The following DNAH1 variants were observed in gnomAD, a reference collection of about 807,000 sequenced individuals.
DNAH1 encodes the protein dynein axonemal heavy chain 1.
In DNAH1, 327 loss-of-function variants were observed where a neutral mutation model predicts 484.3. That is an observed-to-expected ratio of 0.68 (90% confidence interval 0.62 to 0.74). The LOEUF is 0.74. Among genes scored for constraint, DNAH1 ranks in the 30% least tolerant of loss-of-function variants. The probability of loss-of-function intolerance (pLI) is 0.00; values close to 1 mark genes in which losing one functional copy is unlikely to be tolerated. For synonymous variants in DNAH1, 2,192 were observed against 2,191.9 expected (o/e 1.00, Z 0.00); for missense variants, 5,052 against 5,546.8 (o/e 0.91, Z 2.83).
intron 16 of DNAH1, 138 bp from the exon 17 acceptor site, chr3:52,351,824 C>G: frequency 9.3e-7 from 1 of 1,074,430 alleles, no homozygotes. Flanking sequence ...CCCAGGTAGC[C>G]TCCACAGCTG....
intron 3 of DNAH1, among the ~76,000 whole-genome samples, chr3:52,324,323 C>T (rs926866330): frequency 6.6e-6 from 1 of 152,182 alleles, no homozygotes; most frequent in Non-Finnish European, 1.5e-5. Flanking sequence ...GGGGGACTCT[C>T]CTCTCAGGCT....
chr3:52,332,082 A>G, intron 7 of DNAH1, 60 bp from the exon 8 acceptor site: 1 of 1,521,096 alleles, frequency 6.6e-7, no homozygotes, highest in Non-Finnish European at 8.9e-7. Flanking sequence ...GCCGGAACCT[A>G]GTGTTTCAGC....
rs1704350768 is a variant in DNAH1, at chr3:52,391,013, A to G, written c.9700A>G (p.Ile3234Val). The change falls in exon 61 of 78, where the codon ATT (isoleucine) becomes GTT (valine). Residue 3234 changes from isoleucine (I) to valine (V), a missense_variant. Transcript: ENST00000420323. ...NQFSQRWTHF[I>V]DPQSQANKWI... ...GTTTTCCCAGCGCTGGACCCACTTC[A>G]TTGACCCTCAGAGCCAGGCCAACAA... 6 of 1,555,858 alleles carry G rather than the reference A, an allele frequency of 3.9e-6. No homozygotes were observed. Among genetic ancestry groups the G allele is most frequent in the Non-Finnish European group, 5.2e-6 (6 of 1,149,428 alleles).
chr3:52,347,697 AAGG>A, intron 11 of DNAH1, 124 bp from the exon 12 acceptor site: 3 of 1,175,844 alleles, frequency 2.6e-6, no homozygotes, highest in Non-Finnish European at 3.5e-6. Context: ...GTGTGGGACG[AAGG>A]AGAAGGCAAG....
chr3:52,326,454 T>C (rs1408464779), intron 4 of DNAH1, 140 bp downstream of exon 4: 1 of 1,153,894 alleles, frequency 8.7e-7, no homozygotes, highest in Non-Finnish European at 1.2e-6. Context: ...CTTCTAGCCC[T>C]TTGGTGTCTT....
At chr3:52,366,569 C>T in intron 35 of DNAH1, 21 bp downstream of exon 35, 1 of 1,576,448 alleles carries the variant, frequency 6.3e-7, no homozygotes, top group Non-Finnish European at 8.6e-7. Flanking sequence ...CCAAGCTTGG[C>T]AGCCAGTGTC....
intron 39 of DNAH1, 92 bp from the exon 40 acceptor site, chr3:52,370,385 G>T: frequency 6.3e-7 from 1 of 1,579,296 alleles, no homozygotes. Flanking sequence ...ACAAAGCTGT[G>T]TAGCAGAGGT....
chr3:52,344,672 G>T (rs199858214), intron 9 of DNAH1, 25 bp downstream of exon 9: 5 of 1,603,876 alleles, frequency 3.1e-6, no homozygotes. Context: ...ACCAAGATGG[G>T]CTCCATGGCC....
intron 75 of DNAH1, among the ~76,000 whole-genome samples, chr3:52,398,563 C>T (rs1443032720): frequency 6.6e-6 from 1 of 152,220 alleles, no homozygotes; most frequent in East Asian, 1.9e-4. Context: ...GCTGGGATTA[C>T]AGGCATGAGC....
chr3:52,349,486 C>A, intron 14 of DNAH1, 66 bp downstream of exon 14: 2 of 1,453,294 alleles, frequency 1.4e-6, no homozygotes, highest in South Asian at 1.2e-5. Context: ...CACACGGACC[C>A]TCACATACAT....
At chr3:52,363,729 A>G (rs1034494540) in intron 32 of DNAH1, among the ~76,000 whole-genome samples, 30 of 152,198 alleles carry the variant, frequency 2.0e-4, no homozygotes, top group African/African-American at 6.3e-4. Flanking sequence ...TCATGATTTC[A>G]GAAAAAAATC....
rs370573837 is a variant in DNAH1, at chr3:52,370,510, C to T, written c.6292C>T (p.Arg2098Cys). 5.0e-6 allele frequency: 8 copies of T among 1,613,960 alleles called. No individual in the cohort carries two copies. The highest frequency in any genetic ancestry group is 4.5e-5 in the East Asian group (2 of 44,884). ...LKKIPSEKLSRIVELIEPWFI... is the reference protein window; with the variant it reads ...LKKIPSEKLSCIVELIEPWFI... ...GAAAATACCCTCTGAAAAGCTGAGT[C>T]GCATCGTAGAGTTGATCGAGCCCTG... The change falls in exon 40 of 78, where the codon CGC (arginine) becomes TGC (cysteine). Residue 2098 changes from arginine (R) to cysteine (C), a missense_variant. Arg to Cys is a radical substitution (Grantham distance 180). Around this residue, in one of 4 missense-constraint regions of DNAH1, gnomAD observed 2,929 missense variants for 3,409.4 expected, o/e 0.86. Coordinates refer to ENST00000420323, the MANE Select transcript of DNAH1 (RefSeq NM_015512.5).
chr3:52,312,861 C>G (rs1700837124), upstream of DNAH1, among the ~76,000 whole-genome samples: 1 of 151,956 alleles, frequency 6.6e-6, no homozygotes, highest in South Asian at 2.1e-4. Context: ...ACTGTGTTAG[C>G]CAGGATGGTC....
intron 34 of DNAH1, among the ~76,000 whole-genome samples, chr3:52,365,279 C>T (rs541765281): frequency 9.2e-5 from 14 of 152,302 alleles, no homozygotes; most frequent in Admixed American, 7.2e-4. Flanking sequence ...CTGAGAGCCC[C>T]GAGCTCCTCT....
chr3:52,354,878 C>T lies in DNAH1; in HGVS notation c.3516C>T (p.Ile1172=). The change falls in exon 21 of 78, where the codon ATC becomes ATT. Residue 1172 remains isoleucine, a synonymous_variant. Coordinates refer to ENST00000420323, the MANE Select transcript of DNAH1 (RefSeq NM_015512.5). ...LDKMEKEWST[I]LFNVLPYKAT... is the part of the protein sequence containing the mutation. ...AGATGGAGAAGGAGTGGTCGACCAT[C>T]CTGTTCAATGTACTGCCCTACAAGG... The T allele has an allele frequency of 6.2e-7, 1 of 1,613,944 alleles. No individual in the cohort carries two copies. Among genetic ancestry groups the T allele is most frequent in the Middle Eastern group, 1.7e-4 (1 of 6,050 alleles).
At chr3:52,326,674 C>T in intron 4 of DNAH1, 61 bp from the exon 5 acceptor site, 7 of 1,538,564 alleles carry the variant, frequency 4.5e-6, no homozygotes, top group South Asian at 1.3e-5. Context: ...CTTGTGGACA[C>T]CCATGGAGCC....
Position 52,381,507 on chromosome 3 carries a change from G to A in DNAH1, c.7609-133G>A. On this transcript the variant is annotated intron_variant, in intron 48 of 77. Transcript: ENST00000420323. This position sits in a 1 kb window ranked among gnomAD's most constrained non-coding sequence, Gnocchi z 4.1. ...GAGCCTGCAGGGGAAACATGCAGCT[G>A]GCCGGGTCACAGGTGGTCAAGGCAC... 2.8e-6 allele frequency: 2 copies of A among 720,638 alleles called. No homozygotes were observed. The highest frequency in any genetic ancestry group is 4.1e-5 in the South Asian group (2 of 48,448). 44.6% of individuals were successfully genotyped at this position (720,638 alleles called of 1,614,324 possible). A position where few individuals can be genotyped will look rare whatever the true frequency, so the allele number is the denominator to read the frequency against.
chr3:52,398,311 C>G lies in DNAH1; in HGVS notation c.12089+149C>G, dbSNP rs143787705. 3.8e-4 allele frequency: 412 copies of G among 1,093,842 alleles called. 5 individuals carry two copies. In the East Asian group the frequency reaches 0.011, roughly 29 times the overall value. 67.8% of individuals were successfully genotyped at this position (1,093,842 alleles called of 1,614,324 possible). ...TTTGTTGTTGTTGTTGACACGGAGTCTCTCTCTGTTGCCATGCTGGAGTGC... is the reference window on the plus strand; with the variant it reads ...TTTGTTGTTGTTGTTGACACGGAGTGTCTCTCTGTTGCCATGCTGGAGTGC... On this transcript the variant is annotated intron_variant, in intron 75 of 77. Transcript: ENST00000420323.
At position 52,326,759 on chromosome 3, in the gene DNAH1, G is replaced by A. The variant is rs1300166141; in HGVS notation, c.606G>A (p.Leu202=). The A allele has an allele frequency of 6.2e-7, 1 of 1,613,626 alleles. No individual in the cohort carries two copies. The highest frequency in any genetic ancestry group is 1.1e-5 in the South Asian group (1 of 91,056). Residue 202 remains leucine, a synonymous_variant, in exon 5 of 78, where the codon CTG becomes CTA. Transcript: ENST00000420323. ...GGAGGAAACAGCAGTACCTGAGCCT[G>A]GACATTGAGCAGTTGCTGTTCAGCC... is the stretch of plus-strand genomic sequence containing the variant. ...IERRKQQYLS[L]DIEQLLFSQG...
Sources: gnomAD v4.1 joint callset for allele counts (sites outside exome capture counted in the v4.1 genomes callset) on GRCh38, gnomAD v4.1.1 for gene constraint, gnomAD v4.1.1 regional missense constraint, Gnocchi (gnomAD v3.1) non-coding constraint, MANE v1.5 for transcripts, NCBI Gene and HGNC (gene_info 2026-07-23, HGNC 2026-07-21) for gene names.